The following IMPA2 variants were observed in gnomAD, a reference collection of about 807,000 sequenced individuals.
The protein encoded by IMPA2 is IMP 2.
In IMPA2, 32 loss-of-function variants were observed where a neutral mutation model predicts 35.1. The observed-to-expected ratio is 0.91, with a 90% CI of 0.69 to 1.23. The LOEUF is 1.23. IMPA2 is among the 50% of genes most tolerant of loss of function. IMPA2 has a pLI of 0.00. For missense variants in IMPA2, 334 were observed against 387.6 expected, an observed-to-expected ratio of 0.86 and a Z score of 1.16; for synonymous variants, 135 against 160.6, an observed-to-expected ratio of 0.84 and a Z score of 1.20.
At chr18:11,984,898 G>C (rs1906615374) in intron 1 of IMPA2, among the ~76,000 whole-genome samples, 1 of 151,496 alleles carries the variant, frequency 6.6e-6, no homozygotes, top group Admixed American at 6.6e-5. Flanking sequence ...AACCCGGGAG[G>C]CGGAGTTTGC....
At chr18:11,982,194 A>T (rs566585518) in intron 1 of IMPA2, among the ~76,000 whole-genome samples, 6 of 152,140 alleles carry the variant, frequency 3.9e-5, no homozygotes, top group Admixed American at 1.3e-4. Flanking sequence ...AGCATCCTCA[A>T]CCCAAACTTA....
At chr18:12,018,905 G>A (rs1236524658) in intron 5 of IMPA2, among the ~76,000 whole-genome samples, 4 of 151,616 alleles carry the variant, frequency 2.6e-5, no homozygotes, top group Non-Finnish European at 5.9e-5. Context: ...GCTCAATGCA[G>A]CCCCAACTCC....
chr18:12,030,860 A>G lies in IMPA2; in HGVS notation c.*402A>G, dbSNP rs1398880902. Reference sequence around the variant, plus strand: ...TCCCCCCGGAGTACTTCAGAATGCAATAAATCAAAATAATGGCCCTGTGTG... The same window carrying G: ...TCCCCCCGGAGTACTTCAGAATGCAGTAAATCAAAATAATGGCCCTGTGTG... On this transcript the variant is annotated 3_prime_UTR_variant, in exon 8 of 8. Coordinates refer to ENST00000269159, the MANE Select transcript of IMPA2 (RefSeq NM_014214.3). 5.4e-6 allele frequency: 1 copy of G among 185,146 alleles called. No individual in the cohort carries two copies. The highest frequency in any genetic ancestry group is 1.1e-5 in the Non-Finnish European group (1 of 88,564). The allele number at this position is 185,146 out of a possible 1,614,324, so 11.5% of individuals were successfully genotyped here.
Position 12,028,905 on chromosome 18 carries a change from C to T in IMPA2, c.663C>T (p.Ala221=). 6.2e-7 allele frequency: 1 copy of T among 1,614,146 alleles called. No individual in the cohort carries two copies. Among genetic ancestry groups the T allele is most frequent in the East Asian group, 2.2e-5 (1 of 44,876 alleles). The change falls in exon 7 of 8, where the codon GCC becomes GCT. Residue 221 remains alanine (A), a synonymous_variant. Transcript: ENST00000269159. ...LCHLASGAAD[A]YYQFGLHCWD... is the part of the protein sequence containing the mutation. The stretch of plus-strand genomic sequence containing the variant: ...ACCTGGCCTCAGGGGCCGCGGATGC[C>T]TATTACCAGTTTGGCCTGCACTGCT...
intron 5 of IMPA2, among the ~76,000 whole-genome samples, chr18:12,024,207 G>A (rs1235968480): frequency 2.6e-5 from 4 of 152,182 alleles, no homozygotes; most frequent in South Asian, 2.1e-4. Flanking sequence ...GAAAGAGTGA[G>A]CAACAGAATA....
intron 2 of IMPA2, among the ~76,000 whole-genome samples, chr18:12,001,622 T>C (rs1907118337): frequency 6.6e-6 from 1 of 152,168 alleles, no homozygotes; most frequent in Admixed American, 6.5e-5. Flanking sequence ...AGGTAAAAGT[T>C]AATGTATTAT....
chr18:12,007,651 CTTT>C (rs1907304576), intron 2 of IMPA2, among the ~76,000 whole-genome samples: 1 of 109,658 alleles, frequency 9.1e-6, no homozygotes. Flanking sequence ...TTCTTTCTTT[CTTT>C]CTTTCTTTCT....
Position 12,017,790 on chromosome 18 carries a change from C to T in IMPA2, c.490+3417C>T, listed in dbSNP as rs191627122. The T allele has an allele frequency of 1.1e-3, 392 of 341,950 alleles. 6 individuals are homozygous for T. The highest frequency in any genetic ancestry group is 1.1e-4 in the Non-Finnish European group (19 of 174,696). 21.2% of individuals were successfully genotyped at this position (341,950 alleles called of 1,614,324 possible). ...ATTTTTTAGTAGAGACGGGGTTTCA[C>T]CATGTTGGCCAGGCTGGTCTCAAAC... is the stretch of plus-strand genomic sequence containing the variant. On this transcript the variant is annotated intron_variant, in intron 5 of 7. Coordinates refer to ENST00000269159, the MANE Select transcript of IMPA2 (RefSeq NM_014214.3).
In IMPA2 at chr18:11,988,606, G is replaced by A. The variant is rs76345278; in HGVS notation, c.96+6841G>A. Reference sequence around the variant, plus strand: ...GGATTTGACTGGGGTGCATGAAGAAGGTGGTGAAGAAGATTTACTTTGGAG... The same window carrying A: ...GGATTTGACTGGGGTGCATGAAGAAAGTGGTGAAGAAGATTTACTTTGGAG... On this transcript the variant is annotated intron_variant, in intron 1 of 7. Transcript: ENST00000269159. 6.6e-5 allele frequency among the ~76,000 whole-genome samples: 10 copies of A among 152,276 alleles called. No homozygotes were observed. In the East Asian group the frequency reaches 1.9e-3, roughly 29 times the overall value.
At chr18:12,024,402 T>C (rs1212546320) in intron 5 of IMPA2, among the ~76,000 whole-genome samples, 1 of 152,170 alleles carries the variant, frequency 6.6e-6, no homozygotes, top group Admixed American at 6.6e-5. Flanking sequence ...GAGAACTGCG[T>C]GAACCTGGGA....
chr18:11,998,393 C>T (rs1907018476), intron 1 of IMPA2, among the ~76,000 whole-genome samples: 1 of 152,160 alleles, frequency 6.6e-6, no homozygotes, highest in African/African-American at 2.4e-5. Context: ...GAGCCTGTGT[C>T]GGAGCTCAGC....
At position 11,992,442 on chromosome 18, in the gene IMPA2, T is replaced by C. The variant is rs902043723; in HGVS notation, c.97-6612T>C. On this transcript the variant is annotated intron_variant, in intron 1 of 7. Transcript: ENST00000269159. ...TGCAGTGACTGGCATAAAGGTCGGA[T>C]GGGGACAGGAGCACAAGAACAAGAT... 3.9e-5 allele frequency among the ~76,000 whole-genome samples: 6 copies of C among 152,140 alleles called. 1 individual carries two copies.
chr18:12,004,336 GGTTT>G (rs747019842), intron 2 of IMPA2, among the ~76,000 whole-genome samples: 18 of 151,982 alleles, frequency 1.2e-4, no homozygotes, highest in East Asian at 7.7e-4. Context: ...TTATAAGGAG[GGTTT>G]GTTAAAACTA....
intron 2 of IMPA2, chr18:12,008,243 G>A (rs1289617386): frequency 1.5e-5 from 7 of 472,980 alleles, no homozygotes; most frequent in Non-Finnish European, 2.5e-5. Flanking sequence ...TGATCTGCCC[G>A]CCTTGGCCTC....
At chr18:12,026,370 A>G (rs947800929) in intron 5 of IMPA2, among the ~76,000 whole-genome samples, 5 of 152,226 alleles carry the variant, frequency 3.3e-5, no homozygotes, top group Non-Finnish European at 7.3e-5. Context: ...GTAATTCAGA[A>G]TTAGTTTACC....
chr18:11,990,625 T>C (rs1339766850), intron 1 of IMPA2, among the ~76,000 whole-genome samples: 1 of 152,180 alleles, frequency 6.6e-6, no homozygotes, highest in African/African-American at 2.4e-5. Context: ...TGGGGTGGAC[T>C]TGATGAGTCG....
chr18:12,000,991 G>A (rs988583560), intron 2 of IMPA2, among the ~76,000 whole-genome samples: 2 of 151,654 alleles, frequency 1.3e-5, no homozygotes, highest in African/African-American at 2.4e-5. Flanking sequence ...CAGCACTTTG[G>A]GAGGCTGAGG....
intron 1 of IMPA2, among the ~76,000 whole-genome samples, chr18:11,998,303 C>T (rs67450563): frequency 0.14 from 20,841 of 152,184 alleles, 1,822 homozygotes; most frequent in East Asian, 0.29. Context: ...TCCTGGGGTT[C>T]TTGGGACCAT....
At chr18:12,009,818 G>A (rs1030885710) in intron 2 of IMPA2, 65 bp from the exon 3 acceptor site, 11 of 1,235,306 alleles carry the variant, frequency 8.9e-6, no homozygotes, top group Non-Finnish European at 1.3e-5. Context: ...GGGACTGGAA[G>A]CAATTTCAGG....
Sources: gnomAD v4.1 joint callset for allele counts (sites outside exome capture counted in the v4.1 genomes callset) on GRCh38, gnomAD v4.1.1 for gene constraint, MANE v1.5 for transcripts, NCBI Gene and HGNC (gene_info 2026-07-23, HGNC 2026-07-21) for gene names.